Variants in SIRPB2 observed in about 807,000 individuals in gnomAD.
SIRPB2 encodes the protein signal-regulatory protein beta-2.
SIRPB2 carries 18 observed loss-of-function variants against 27.1 expected under a neutral mutation model. The ratio of observed to expected loss-of-function variants is 0.66; its 90% confidence interval spans 0.46 to 0.98. The LOEUF is 0.98. SIRPB2 is among the 50% of genes least tolerant of loss of function. The pLI is 0.00. For synonymous variants in SIRPB2, 150 were observed against 164.6 expected, an observed-to-expected ratio of 0.91 and a Z score of 0.68; for missense variants, 420 against 417.4, an observed-to-expected ratio of 1.01 and a Z score of -0.06.
chr20:1,473,427 G>A (rs899697321), downstream of SIRPB2, among the ~76,000 whole-genome samples: 1 of 151,632 alleles, frequency 6.6e-6, no homozygotes, highest in African/African-American at 2.4e-5. Context: ...CAGGCACACA[G>A]ATGCACACAT....
Position 1,486,539 on chromosome 20 carries a change from T to C in SIRPB2, c.85+4736A>G, listed in dbSNP as rs191843208. Among the ~76,000 whole-genome samples the C allele has an allele frequency of 1.2e-3, 186 of 152,218 alleles. 1 individual carries two copies. Among genetic ancestry groups the C allele is most frequent in the African/African-American group, 4.4e-3 (181 of 41,538 alleles). ...GGAAAATCAATATCTCTCATGAACA[T>C]AGATAAAAAATTTTACACAAAATTT... On this transcript the variant is annotated intron_variant, in intron 1 of 4. Transcript: ENST00000359801.
chr20:1,489,280 T>A (rs558894348), intron 1 of SIRPB2, among the ~76,000 whole-genome samples: 1 of 152,322 alleles, frequency 6.6e-6, no homozygotes, highest in Admixed American at 6.5e-5. Flanking sequence ...ATTTCACAAG[T>A]GTGAAATACA....
rs574271909 is a variant in SIRPB2, at chr20:1,478,403, T to C, written c.656A>G (p.Gln219Arg). ...GISHPKETAV[Q>R]ASNNDFSILL... ...AATGCTGAAGTCATTGTTGGAGGCC[T>C]GCACCGCTGTCTCCTTGGGGTGGGA... Residue 219 changes from glutamine to arginine, a missense_variant, in exon 3 of 5, where the codon CAG (glutamine) becomes CGG (arginine). By Grantham distance (43) the Gln-to-Arg change is conservative. Transcript: ENST00000359801. 5.0e-6 allele frequency: 8 copies of C among 1,614,184 alleles called. No individual in the cohort carries two copies. The South Asian group carries it at 8.8e-5, about 18-fold the overall frequency.
At chr20:1,477,607 G>T (rs1901194837) in intron 3 of SIRPB2, among the ~76,000 whole-genome samples, 1 of 152,224 alleles carries the variant, frequency 6.6e-6, no homozygotes, top group African/African-American at 2.4e-5. Flanking sequence ...ATTCATTGCA[G>T]TGTCTGCAGT....
In SIRPB2 at chr20:1,474,920, G is replaced by C. The variant is rs923901437; in HGVS notation, c.*1247C>G. On this transcript the variant is annotated 3_prime_UTR_variant, in exon 5 of 5. Coordinates refer to ENST00000359801, the MANE Select transcript of SIRPB2 (RefSeq NM_001122962.2). The stretch of plus-strand genomic sequence containing the variant: ...GCAGAGAAGTCCACATTAGTATCCT[G>C]GATGTTCCGTGATGGGAAGGGACTC... 6.6e-6 allele frequency: 1 copy of C among 152,230 alleles called. No homozygotes were observed. The highest frequency in any genetic ancestry group is 2.4e-5 in the African/African-American group (1 of 41,436). 9.4% of individuals were successfully genotyped at this position (152,230 alleles called of 1,614,324 possible).
chr20:1,476,980 C>T, intron 4 of SIRPB2: 1 of 1,228,908 alleles, frequency 8.1e-7, no homozygotes, highest in Non-Finnish European at 1.0e-6. Context: ...CTGCCCATTA[C>T]ACTAGGAAGG....
intron 1 of SIRPB2, among the ~76,000 whole-genome samples, chr20:1,483,743 G>A (rs1024037027): frequency 7.9e-5 from 12 of 152,066 alleles, no homozygotes; most frequent in Non-Finnish European, 1.6e-4. Context: ...TTTCTGCAGT[G>A]CAGAAGCTTT....
intron 1 of SIRPB2, chr20:1,480,302 G>A (rs2090657800): frequency 5.8e-6 from 3 of 518,196 alleles, no homozygotes; most frequent in South Asian, 2.9e-5. Context: ...ACCGTGTGCT[G>A]GGCCCTGCGT....
At position 1,479,962 on chromosome 20, in the gene SIRPB2, G is replaced by A. The variant is rs761294025; in HGVS notation, c.189C>T (p.Val63=). 46 of 1,613,994 alleles carry A rather than the reference G, an allele frequency of 2.9e-5. No homozygotes were observed. Among genetic ancestry groups the A allele is most frequent in the South Asian group, 7.7e-5 (7 of 91,080 alleles). ...TTATCATACCATCAGTGCAGGAGCC[G>A]ACCACCATACACCTCAGTAGAAGTG... ...GETLLLRCMV[V]GSCTDGMIKW... Residue 63 remains valine (V), a synonymous_variant, in exon 2 of 5, where the codon GTC becomes GTT. Transcript: ENST00000359801.
intron 1 of SIRPB2, chr20:1,480,449 T>G (rs2090660042): frequency 5.0e-6 from 1 of 198,706 alleles, no homozygotes. Context: ...GTCTCCCGAA[T>G]GCACATGTTG....
At chr20:1,477,537 A>G (rs1418045651) in intron 3 of SIRPB2, 134 bp from the exon 4 acceptor site, 4 of 1,450,432 alleles carry the variant, frequency 2.8e-6, no homozygotes, top group Non-Finnish European at 3.7e-6. Flanking sequence ...CAAACCCTGC[A>G]GCTATGAAGG....
downstream of SIRPB2, chr20:1,470,867 A>G (rs999826186): frequency 5.3e-5 from 8 of 152,228 alleles, no homozygotes; most frequent in South Asian, 2.1e-4. Context: ...ATGCCCCTGC[A>G]CGAATAATCA....
chr20:1,479,931 C>T lies in SIRPB2; in HGVS notation c.220G>A (p.Val74Met). The T allele has an allele frequency of 3.1e-6, 5 of 1,614,210 alleles. No homozygotes were observed. Among genetic ancestry groups the T allele is most frequent in the Non-Finnish European group, 4.2e-6 (5 of 1,180,036 alleles). ...GSCTDGMIKW[V>M]KVSTQDQQEI... ...TGTTGGTCCTGAGTGCTCACCTTCA[C>T]CCATTTTATCATACCATCAGTGCAG... The change falls in exon 2 of 5, where the codon GTG (valine) becomes ATG (methionine). Residue 74 changes from valine (V) to methionine (M), a missense_variant. By Grantham distance (21) the Val-to-Met change is conservative. Transcript: ENST00000359801.
intron 4 of SIRPB2, chr20:1,477,125 A>G (rs1032508782): frequency 6.6e-6 from 10 of 1,525,758 alleles, no homozygotes; most frequent in South Asian, 1.2e-5. Context: ...AAACAGTTAC[A>G]TGGCCCTGGC....
intron 3 of SIRPB2, among the ~76,000 whole-genome samples, 186 bp from the exon 4 acceptor site, chr20:1,477,589 C>T (rs1394565419): frequency 6.6e-6 from 1 of 152,226 alleles, no homozygotes; most frequent in Non-Finnish European, 1.5e-5. Context: ...AGGGTATGGA[C>T]CTGTCTAATT....
chr20:1,477,447 C>A (rs771869934), intron 3 of SIRPB2, 44 bp from the exon 4 acceptor site: 1 of 1,572,762 alleles, frequency 6.4e-7, no homozygotes, highest in African/African-American at 1.4e-5. Context: ...TTATCTTTAT[C>A]TCCCACCACT....
intron 2 of SIRPB2, chr20:1,479,254 G>A (rs764381775): frequency 2.5e-4 from 47 of 186,644 alleles, no homozygotes; most frequent in Middle Eastern, 2.6e-3. Flanking sequence ...TGTGGTAGAT[G>A]ACATGATCAG....
At chr20:1,473,752 C>T, downstream of SIRPB2, 1 of 447,844 alleles carries the variant, frequency 2.2e-6, no homozygotes, top group Non-Finnish European at 4.5e-6. Context: ...ATGCAGGGCC[C>T]TACAGGGCTA....
downstream of SIRPB2, among the ~76,000 whole-genome samples, chr20:1,473,499 A>C (rs1480443030): frequency 2.6e-5 from 4 of 152,262 alleles, no homozygotes; most frequent in South Asian, 2.1e-4. Flanking sequence ...CACACACACC[A>C]CACACATGTT....
Sources: gnomAD v4.1 joint callset for allele counts (sites outside exome capture counted in the v4.1 genomes callset) on GRCh38, gnomAD v4.1.1 for gene constraint, MANE v1.5 for transcripts, NCBI Gene and HGNC (gene_info 2026-07-23, HGNC 2026-07-21) for gene names.